The following PSMA1 variants were observed in gnomAD, a reference collection of about 807,000 sequenced individuals.
PSMA1 encodes the protein proteasome 20S subunit alpha 1, also known as proteasome subunit alpha type-1.
In PSMA1, 3 loss-of-function variants were observed where a neutral mutation model predicts 38.4. That is an observed-to-expected ratio of 0.08 (90% confidence interval 0.04 to 0.20). The LOEUF is 0.20. PSMA1 is among the 10% of genes least tolerant of loss of function. PSMA1 has a pLI of 1.00. For missense variants in PSMA1, 227 were observed against 325.3 expected (o/e 0.70, Z 2.32); for synonymous variants, 101 against 107.1 (o/e 0.94, Z 0.35).
chr11:14,612,317 C>T (rs894133508), intron 1 of PSMA1, among the ~76,000 whole-genome samples: 1 of 152,170 alleles, frequency 6.6e-6, no homozygotes, highest in East Asian at 1.9e-4. Flanking sequence ...GTGTAACACA[C>T]AATTCTCATA....
chr11:14,638,859 A>G (rs929335314), intron 1 of PSMA1, among the ~76,000 whole-genome samples: 12 of 151,588 alleles, frequency 7.9e-5, no homozygotes, highest in African/African-American at 9.7e-5. Context: ...CTGCTGGGAT[A>G]GCCAGAGCTG....
At chr11:14,512,988 C>A (rs546663340) in intron 7 of PSMA1, among the ~76,000 whole-genome samples, 64 of 152,298 alleles carry the variant, frequency 4.2e-4, no homozygotes, top group African/African-American at 1.5e-3. Flanking sequence ...ATTCACTAAA[C>A]CCCAAATATT....
At chr11:14,569,784 G>A (rs903124621) in intron 2 of PSMA1, among the ~76,000 whole-genome samples, 8 of 152,210 alleles carry the variant, frequency 5.3e-5, no homozygotes, top group East Asian at 1.9e-4. Flanking sequence ...CTCTGGAGGC[G>A]GGGCATAGCT....
At chr11:14,542,599 C>G (rs559781594) in intron 2 of PSMA1, among the ~76,000 whole-genome samples, 3 of 152,304 alleles carry the variant, frequency 2.0e-5, no homozygotes, top group East Asian at 3.9e-4. Context: ...ACAGAAGCAG[C>G]TGGTGTCATA....
chr11:14,545,830 T>C (rs1851819869), intron 2 of PSMA1, among the ~76,000 whole-genome samples: 2 of 152,224 alleles, frequency 1.3e-5, no homozygotes, highest in Admixed American at 1.3e-4. Context: ...TATGATTTCT[T>C]GTCTACATTA....
intron 1 of PSMA1, among the ~76,000 whole-genome samples, chr11:14,630,729 C>A (rs1282691899): frequency 1.3e-5 from 2 of 151,874 alleles, no homozygotes; most frequent in Admixed American, 1.3e-4. Context: ...GGAATAGTTT[C>A]AGAAGGAATG....
At chr11:14,582,593 C>T (rs1852295409) in intron 2 of PSMA1, among the ~76,000 whole-genome samples, 1 of 152,154 alleles carries the variant, frequency 6.6e-6, no homozygotes, top group South Asian at 2.1e-4. Flanking sequence ...TCTTGGCTCA[C>T]TGCAACCTCT....
At chr11:14,619,522 C>T (rs1253852962) in intron 1 of PSMA1, among the ~76,000 whole-genome samples, 1 of 151,998 alleles carries the variant, frequency 6.6e-6, no homozygotes, top group Admixed American at 6.6e-5. Flanking sequence ...CTGGCTTAAA[C>T]CTAGGGTGAC....
intron 2 of PSMA1, among the ~76,000 whole-genome samples, chr11:14,526,275 CCT>C (rs1443681247): frequency 6.6e-6 from 1 of 152,176 alleles, no homozygotes; most frequent in Non-Finnish European, 1.5e-5. Context: ...TTTCCCCAGT[CCT>C]CTTTCTGTTC....
rs1589977444 is a variant in PSMA1, at chr11:14,510,905, C to T, written c.591G>A (p.Glu197=). 6.2e-7 allele frequency: 1 copy of T among 1,608,488 alleles called. No individual in the cohort carries two copies. The highest frequency in any genetic ancestry group is 2.2e-5 in the East Asian group (1 of 44,618). The part of the protein sequence containing the change: ...LVKHGLRALR[E]TLPAEQDLTT... ...TCAGGTCCTGTTCTGCAGGAAGCGT[C>T]TCTCTTAAGGCACGCAGACCATGTT... The change falls in exon 8 of 10, where the codon GAG becomes GAA. Residue 197 remains glutamate (E), a synonymous_variant. Coordinates refer to ENST00000396394, the MANE Select transcript of PSMA1 (RefSeq NM_002786.4).
chr11:14,588,028 C>T (rs1022379235), intron 2 of PSMA1, among the ~76,000 whole-genome samples: 1 of 152,138 alleles, frequency 6.6e-6, no homozygotes, highest in African/African-American at 2.4e-5. Context: ...AAAATACAGC[C>T]CTTGCCTTTA....
intron 2 of PSMA1, among the ~76,000 whole-genome samples, chr11:14,538,462 T>G (rs929468908): frequency 6.6e-6 from 1 of 152,200 alleles, no homozygotes; most frequent in African/African-American, 2.4e-5. Context: ...ACCAAACCCT[T>G]CCTGCTGCCT....
intron 2 of PSMA1, among the ~76,000 whole-genome samples, chr11:14,548,017 AACACACACACAC>A (rs141234079): frequency 6.7e-6 from 1 of 149,338 alleles, no homozygotes; most frequent in Non-Finnish European, 1.5e-5. Flanking sequence ...CACTATATAC[AACACACACACAC>A]ACACACACAC....
At chr11:14,590,570 C>T (rs1852401100) in intron 2 of PSMA1, among the ~76,000 whole-genome samples, 2 of 152,086 alleles carry the variant, frequency 1.3e-5, no homozygotes, top group Admixed American at 6.5e-5. Context: ...TGAAAAAATA[C>T]AATGTCTTTA....
chr11:14,521,383 T>G (rs2134153587), upstream of PSMA1, among the ~76,000 whole-genome samples: 2 of 149,196 alleles, frequency 1.3e-5, no homozygotes, highest in East Asian at 3.9e-4. Flanking sequence ...TCCCAGCCAC[T>G]CGGGAAGCTG....
At chr11:14,560,380 G>T (rs1565044869) in intron 2 of PSMA1, among the ~76,000 whole-genome samples, 2 of 152,166 alleles carry the variant, frequency 1.3e-5, no homozygotes, top group Non-Finnish European at 2.9e-5. Flanking sequence ...GATACTCATT[G>T]TGTTCCTGTT....
In PSMA1 at chr11:14,585,160, C is replaced by T. The variant is rs114881459; in HGVS notation, c.21+25806G>A. 5.0e-3 allele frequency among the ~76,000 whole-genome samples: 768 copies of T among 152,238 alleles called. 8 individuals carry two copies. The highest frequency in any genetic ancestry group is 0.018 in the African/African-American group (727 of 41,534). On this transcript the variant is annotated intron_variant, in intron 2 of 10. Coordinates refer to the PSMA1 transcript ENST00000418988. Reference sequence around the variant, plus strand: ...AAATTTCCAAGCCTGACACTAGGCTCGATTGCTTGTTCCTATACTATCCAG... The same window carrying T: ...AAATTTCCAAGCCTGACACTAGGCTTGATTGCTTGTTCCTATACTATCCAG...
chr11:14,608,840 A>G (rs1035534602), intron 2 of PSMA1, among the ~76,000 whole-genome samples: 8 of 151,746 alleles, frequency 5.3e-5, no homozygotes, highest in African/African-American at 1.7e-4. Flanking sequence ...AAAAAATATT[A>G]GATTCCCTTG....
chr11:14,537,708 A>AC (rs935377996), intron 2 of PSMA1, among the ~76,000 whole-genome samples: 1 of 141,312 alleles, frequency 7.1e-6, no homozygotes, highest in Non-Finnish European at 1.5e-5. Context: ...TGGTAAAATT[A>AC]CCCTTTTTTT....
Sources: allele counts gnomAD v4.1 joint callset (sites outside exome capture counted in the v4.1 genomes callset), GRCh38; gene constraint gnomAD v4.1.1; transcripts MANE v1.5; gene names NCBI Gene and HGNC (gene_info 2026-07-23, HGNC 2026-07-21).